Variants in GRIP1 observed in about 807,000 individuals in gnomAD.
GRIP1 encodes glutamate receptor-interacting protein 1.
GRIP1 carries 45 observed loss-of-function variants against 129.9 expected under a neutral mutation model. The ratio of observed to expected loss-of-function variants is 0.35; its 90% CI spans 0.27 to 0.44. GRIP1 has a LOEUF of 0.44. Among genes scored for constraint, GRIP1 ranks in the 20% least tolerant of loss-of-function variants. The pLI, the probability that GRIP1 is intolerant of heterozygous loss-of-function variation, is 1.00. For synonymous variants in GRIP1, 530 were observed against 520.8 expected (o/e 1.02, Z -0.24); for missense variants, 1,196 against 1,396.8 (o/e 0.86, Z 2.29).
intron 2 of GRIP1, among the ~76,000 whole-genome samples, chr12:66,570,571 C>T (rs1490616428): frequency 6.6e-6 from 1 of 152,214 alleles, no homozygotes; most frequent in East Asian, 1.9e-4. Flanking sequence ...GAACCCCTGT[C>T]ACACTTGTAT....
rs556695291 is a variant in GRIP1 at position 66,595,787 on chromosome 12, C to A, written c.136+1060G>T. On this transcript the variant is annotated intron_variant, in intron 2 of 24. Transcript: ENST00000359742. ...ATTCATAATATGTGTCTTCATAAGTCCTATACTTTCAAAATGAATCTGAGC... is the reference window on the plus strand; with the variant it reads ...ATTCATAATATGTGTCTTCATAAGTACTATACTTTCAAAATGAATCTGAGC... 3.3e-4 allele frequency among the ~76,000 whole-genome samples: 50 copies of A among 152,076 alleles called. 1 individual carries two copies. Among genetic ancestry groups the A allele is most frequent in the African/African-American group, 1.2e-3 (50 of 41,478 alleles).
intron 1 of GRIP1, among the ~76,000 whole-genome samples, chr12:66,943,418 T>C (rs1441629263): frequency 1.3e-5 from 2 of 152,208 alleles, no homozygotes; most frequent in Non-Finnish European, 2.9e-5. Flanking sequence ...CTACAGTGTA[T>C]GTAACAACAT....
At chr12:66,470,616 C>T (rs2059412211) in intron 7 of GRIP1, among the ~76,000 whole-genome samples, 1 of 152,194 alleles carries the variant, frequency 6.6e-6, no homozygotes, top group African/African-American at 2.4e-5. Flanking sequence ...ACCTGCTCAT[C>T]TGCAGGGGAC....
intron 1 of GRIP1, among the ~76,000 whole-genome samples, chr12:66,966,026 C>T (rs2041994374): frequency 6.6e-6 from 1 of 152,066 alleles, no homozygotes; most frequent in Non-Finnish European, 1.5e-5. Flanking sequence ...GTATTTTGTC[C>T]TTAAATAGCA....
At chr12:66,462,860 T>A in intron 9 of GRIP1, 64 bp downstream of exon 9, 10 of 1,011,644 alleles carry the variant, frequency 9.9e-6, no homozygotes, top group Admixed American at 1.8e-5. Flanking sequence ...GCTGTCTAAC[T>A]CTGCTAGAGG....
chr12:66,388,576 C>G (rs2056456219), intron 19 of GRIP1, among the ~76,000 whole-genome samples: 1 of 152,166 alleles, frequency 6.6e-6, no homozygotes, highest in Non-Finnish European at 1.5e-5. Context: ...GGCCAAATGC[C>G]TAAGATTTTG....
chr12:66,420,844 C>T (rs570686934), intron 14 of GRIP1, 55 bp from the exon 15 acceptor site: 1 of 944,424 alleles, frequency 1.1e-6, no homozygotes, highest in Admixed American at 1.7e-5. Context: ...TCACCCCTTA[C>T]TGTACATTTC....
intron 1 of GRIP1, among the ~76,000 whole-genome samples, chr12:66,623,673 T>C (rs182747215): frequency 9.9e-5 from 15 of 152,274 alleles, no homozygotes; most frequent in Non-Finnish European, 2.1e-4. Flanking sequence ...TCTCAGAACC[T>C]GAGTCACTTC....
intron 1 of GRIP1, among the ~76,000 whole-genome samples, chr12:66,704,321 TA>T (rs1361934654): frequency 6.6e-6 from 1 of 151,996 alleles, no homozygotes; most frequent in Middle Eastern, 3.4e-3. Flanking sequence ...TTTTTATAAT[TA>T]AAAAAGCTAA....
At chr12:66,487,040 C>T (rs539085464) in intron 7 of GRIP1, among the ~76,000 whole-genome samples, 3 of 152,246 alleles carry the variant, frequency 2.0e-5, no homozygotes, top group Non-Finnish European at 4.4e-5. Context: ...ATCCTCCCAA[C>T]TCAGCCTCCC....
intron 2 of GRIP1, among the ~76,000 whole-genome samples, chr12:66,544,837 C>G (rs2061898422): frequency 6.6e-6 from 1 of 151,994 alleles, no homozygotes; most frequent in Admixed American, 6.6e-5. Flanking sequence ...CATTTAATAC[C>G]CTTTTTGGTG....
At chr12:66,681,914 G>T (rs1035874702), upstream of GRIP1, among the ~76,000 whole-genome samples, 2 of 152,036 alleles carry the variant, frequency 1.3e-5, no homozygotes, top group African/African-American at 4.8e-5. Context: ...CGTTTACATA[G>T]AATTTAATGA....
rs144070837 is a variant in GRIP1 at position 66,991,204 on chromosome 12, C to T, written c.58+77846G>A. On this transcript the variant is annotated intron_variant, in intron 1 of 1. Coordinates refer to the GRIP1 transcript ENST00000643019. ...AGGAGAATGGCATGAACCCGGGAGG[C>T]AGAGCTTGCAGTGAGCCGAGATCAC... 3.7e-3 allele frequency among the ~76,000 whole-genome samples: 561 copies of T among 152,082 alleles called. 3 individuals carry two copies. The highest frequency in any genetic ancestry group is 0.021 in the South Asian group (100 of 4,808).
At chr12:66,838,187 T>TAAAAAAAA (rs56259335) in intron 1 of GRIP1, among the ~76,000 whole-genome samples, 513 of 137,458 alleles carry the variant, frequency 3.7e-3, no homozygotes, top group East Asian at 5.7e-3. Context: ...AGACTCCACC[T>TAAAAAAAA]AAAAAAAAAA....
In GRIP1 at chr12:66,977,200, CTTTT is replaced by C. The variant is rs554293693; in HGVS notation, c.58+91846_58+91849del. Among the ~76,000 whole-genome samples, 79 of 139,694 alleles carry C rather than the reference CTTTT, an allele frequency of 5.7e-4. 1 individual carries two copies. The highest frequency in any genetic ancestry group is 1.5e-3 in the African/African-American group (60 of 38,714). 91.6% of individuals were successfully genotyped at this position (139,694 alleles called of 152,430 possible). On this transcript the variant is annotated intron_variant, in intron 1 of 1. Transcript: ENST00000643019. ...CTGCCATGATTAAGATTAGGTCAAA[CTTTT>C]TTTTTTTTTGTCAAATCATTTTCTG...
At chr12:66,392,263 G>T in intron 19 of GRIP1, 45 bp downstream of exon 19, 1 of 1,121,068 alleles carries the variant, frequency 8.9e-7, no homozygotes, top group Non-Finnish European at 1.4e-6. Context: ...AGAAGCATGG[G>T]CTTCAACAAT....
chr12:66,348,682 A>G lies in GRIP1; in HGVS notation c.*337T>C, dbSNP rs2054086705. ...GAAATCATCACAGAGAATATTTTCA[A>G]ACAGATGTTTCTCTTTTTAAAAAGT... On this transcript the variant is annotated 3_prime_UTR_variant, in exon 25 of 25. Transcript: ENST00000359742. 3.5e-6 allele frequency: 1 copy of G among 287,322 alleles called. No homozygotes were observed. The highest frequency in any genetic ancestry group is 6.6e-6 in the Non-Finnish European group (1 of 150,962). 17.8% of individuals were successfully genotyped at this position (287,322 alleles called of 1,614,324 possible).
At chr12:66,952,897 A>G (rs1452487581) in intron 1 of GRIP1, among the ~76,000 whole-genome samples, 1 of 152,222 alleles carries the variant, frequency 6.6e-6, no homozygotes, top group African/African-American at 2.4e-5. Context: ...TTTATTGTGC[A>G]CACTTGCAAA....
At chr12:66,926,042 C>A (rs1432803410) in intron 1 of GRIP1, among the ~76,000 whole-genome samples, 1 of 152,122 alleles carries the variant, frequency 6.6e-6, no homozygotes, top group African/African-American at 2.4e-5. Flanking sequence ...ATATTTTAAT[C>A]CAAGACTAAT....
Sources: gnomAD v4.1 joint callset for allele counts (sites outside exome capture counted in the v4.1 genomes callset) on GRCh38, gnomAD v4.1.1 for gene constraint, MANE v1.5 for transcripts, NCBI Gene and HGNC (gene_info 2026-07-23, HGNC 2026-07-21) for gene names.